MAGI2: variants seen among roughly 807,000 people sequenced by gnomAD.
The protein encoded by MAGI2 is membrane associated guanylate kinase, WW and PDZ domain containing 2.
MAGI2 carries 35 observed loss-of-function variants against 133.3 expected under a neutral mutation model. The observed-to-expected ratio is 0.26, with a 90% CI of 0.20 to 0.35. The LOEUF (loss-of-function observed/expected upper bound fraction) is 0.35, where lower values mean the gene tolerates loss of function less well. MAGI2 is among the 10% of genes least tolerant of loss of function. MAGI2 has a pLI of 1.00. For missense variants in MAGI2, 1,636 were observed against 1,863.4 expected, an observed-to-expected ratio of 0.88 and a Z score of 2.25; for synonymous variants, 729 against 710.6, an observed-to-expected ratio of 1.03 and a Z score of -0.41.
chr7:79,045,656 G>T (rs1562827799), intron 1 of MAGI2, among the ~76,000 whole-genome samples: 1 of 152,140 alleles, frequency 6.6e-6, no homozygotes, highest in Non-Finnish European at 1.5e-5. Context: ...GCCGGGCCTG[G>T]TGGCGGGCAC....
intron 2 of MAGI2, among the ~76,000 whole-genome samples, chr7:78,631,446 T>C (rs1373287639): frequency 6.6e-6 from 1 of 152,158 alleles, no homozygotes; most frequent in African/African-American, 2.4e-5. Flanking sequence ...CTGCTCTTCC[T>C]GATGAGCCCT....
chr7:78,261,672 G>A (rs1293536151), intron 9 of MAGI2, among the ~76,000 whole-genome samples: 3 of 151,804 alleles, frequency 2.0e-5, no homozygotes, highest in Non-Finnish European at 4.4e-5. Flanking sequence ...CCAGATTTTC[G>A]ATAAAAGAAA....
intron 1 of MAGI2, among the ~76,000 whole-genome samples, chr7:79,151,427 T>A (rs1823229241): frequency 6.6e-6 from 1 of 152,266 alleles, no homozygotes; most frequent in African/African-American, 2.4e-5. Flanking sequence ...CAACTAAATT[T>A]TGTTACGAAA....
chr7:79,264,551 T>C (rs1834307765), intron 1 of MAGI2, among the ~76,000 whole-genome samples: 1 of 152,214 alleles, frequency 6.6e-6, no homozygotes, highest in African/African-American at 2.4e-5. Context: ...ACAACCCCTA[T>C]ATTAATCTCC....
intron 2 of MAGI2, among the ~76,000 whole-genome samples, chr7:78,934,816 A>T (rs570423945): frequency 1.3e-5 from 2 of 152,286 alleles, no homozygotes; most frequent in East Asian, 3.9e-4. Context: ...TCTGTACCTA[A>T]CATGATCTGT....
At chr7:79,421,426 A>T (rs1410769389) in intron 1 of MAGI2, among the ~76,000 whole-genome samples, 1 of 151,972 alleles carries the variant, frequency 6.6e-6, no homozygotes, top group East Asian at 1.9e-4. Flanking sequence ...GTGTGACAGA[A>T]TGCCCAAACT....
rs1398124221 is a variant in MAGI2, at chr7:78,330,403, G to C, written c.1408+13375C>G. The stretch of plus-strand genomic sequence containing the variant: ...GAGGCCGAGGCGGGCGGATCACGAG[G>C]TCAGGAGATCGAGACCATCCTGGCT... On this transcript the variant is annotated intron_variant, in intron 9 of 21. Coordinates refer to ENST00000354212, the MANE Select transcript of MAGI2 (RefSeq NM_012301.4). Among the ~76,000 whole-genome samples, 33 of 38,260 alleles carry C rather than the reference G, an allele frequency of 8.6e-4. 14 individuals carry two copies. Among genetic ancestry groups the C allele is most frequent in the Admixed American group, 6.9e-3 (33 of 4,792 alleles). 25.1% of individuals were successfully genotyped at this position (38,260 alleles called of 152,430 possible).
At chr7:79,154,053 AC>A (rs1823529992) in intron 1 of MAGI2, among the ~76,000 whole-genome samples, 1 of 152,144 alleles carries the variant, frequency 6.6e-6, no homozygotes, top group Non-Finnish European at 1.5e-5. Context: ...CTTTTTTGGA[AC>A]CTTTAACATT....
chr7:79,031,178 C>T (rs1810533282), intron 1 of MAGI2, among the ~76,000 whole-genome samples: 1 of 152,162 alleles, frequency 6.6e-6, no homozygotes, highest in Non-Finnish European at 1.5e-5. Context: ...ATTCATATCT[C>T]TGCTCAAATA....
At chr7:79,374,463 T>C (rs775872052) in intron 1 of MAGI2, among the ~76,000 whole-genome samples, 9 of 151,938 alleles carry the variant, frequency 5.9e-5, no homozygotes, top group Non-Finnish European at 1.2e-4. Context: ...CTGTTTTCAA[T>C]GGGAGCATGG....
chr7:78,223,120 C>T (rs1303791906), intron 10 of MAGI2, among the ~76,000 whole-genome samples: 1 of 152,164 alleles, frequency 6.6e-6, no homozygotes, highest in South Asian at 2.1e-4. Flanking sequence ...TCTGTTCATA[C>T]CACAGTTTCT....
chr7:78,578,169 T>C (rs779083119), intron 3 of MAGI2, among the ~76,000 whole-genome samples: 1 of 152,106 alleles, frequency 6.6e-6, no homozygotes, highest in Non-Finnish European at 1.5e-5. Flanking sequence ...TATAGGTTAC[T>C]AATCTTTTAT....
intron 3 of MAGI2, chr7:78,568,359 G>GA (rs1160112738): frequency 6.6e-6 from 1 of 152,176 alleles, no homozygotes; most frequent in Non-Finnish European, 1.5e-5. Flanking sequence ...ATCCACACCT[G>GA]AATGTGGACG....
chr7:79,229,988 T>G (rs1478859644), intron 1 of MAGI2, among the ~76,000 whole-genome samples: 1 of 129,678 alleles, frequency 7.7e-6, no homozygotes, highest in Non-Finnish European at 1.6e-5. Flanking sequence ...TTCCCCTTCC[T>G]GTGTCCATGT....
At chr7:79,441,111 C>T (rs1339994834) in intron 1 of MAGI2, among the ~76,000 whole-genome samples, 1 of 152,234 alleles carries the variant, frequency 6.6e-6, no homozygotes, top group East Asian at 1.9e-4. Context: ...AATTACCTTG[C>T]TTGATTTAGT....
chr7:79,036,739 G>C (rs542344111), intron 1 of MAGI2, among the ~76,000 whole-genome samples: 2 of 152,014 alleles, frequency 1.3e-5, no homozygotes, highest in Admixed American at 6.6e-5. Flanking sequence ...GGCATGTGAG[G>C]GTAATGGATG....
chr7:79,054,814 G>A (rs1021364790), intron 1 of MAGI2, among the ~76,000 whole-genome samples: 6 of 152,050 alleles, frequency 3.9e-5, no homozygotes, highest in African/African-American at 1.2e-4. Context: ...TGGGACAGAC[G>A]GAGTCCCGCT....
At position 79,425,224 on chromosome 7, in the gene MAGI2, C is replaced by T. The variant is rs148846280; in HGVS notation, c.301+27796G>A. ...CCGAGATTGCACCAATGCACTCCAG[C>T]CTGGGCGACAGAGCGAGACTCCGTC... On this transcript the variant is annotated intron_variant, in intron 1 of 21. Coordinates refer to ENST00000354212, the MANE Select transcript of MAGI2 (RefSeq NM_012301.4). Among the ~76,000 whole-genome samples the T allele has an allele frequency of 4.4e-4, 66 of 150,984 alleles. No homozygotes were observed. The East Asian group carries it at 0.012, about 28-fold the overall frequency.
intron 1 of MAGI2, among the ~76,000 whole-genome samples, chr7:79,305,947 T>C (rs1288205337): frequency 6.6e-6 from 1 of 150,904 alleles, no homozygotes. Flanking sequence ...TGGTGAGGCA[T>C]AGGAAAGGCT....
Sources: gnomAD v4.1 joint callset for allele counts (sites outside exome capture counted in the v4.1 genomes callset) on GRCh38, gnomAD v4.1.1 for gene constraint, MANE v1.5 for transcripts, NCBI Gene and HGNC (gene_info 2026-07-23, HGNC 2026-07-21) for gene names.